The following HEATR5B variants were observed in gnomAD, a reference collection of about 807,000 sequenced individuals.
HEATR5B encodes the protein HEAT repeat-containing protein 5B.
HEATR5B carries 156 observed loss-of-function variants against 224.1 expected under a neutral mutation model. The ratio of observed to expected loss-of-function variants is 0.70; its 90% CI spans 0.61 to 0.80. The LOEUF (loss-of-function observed/expected upper bound fraction) is 0.80, where lower values mean the gene tolerates loss of function less well. Ranked by LOEUF, HEATR5B falls within the 30% of genes least tolerant of loss-of-function variation. HEATR5B has a pLI of 0.00. For missense variants in HEATR5B, 2,323 were observed against 2,535.5 expected (o/e 0.92, Z 1.80); for synonymous variants, 1,027 against 893.0 (o/e 1.15, Z -2.68).
intron 18 of HEATR5B, among the ~76,000 whole-genome samples, chr2:37,044,885 A>G (rs1043236174): frequency 6.6e-6 from 1 of 152,198 alleles, no homozygotes. Context: ...TATGTCTTCA[A>G]CATCACTGGA....
intron 10 of HEATR5B, among the ~76,000 whole-genome samples, chr2:37,062,431 A>C (rs1671341076): frequency 6.7e-6 from 1 of 149,388 alleles, no homozygotes; most frequent in Non-Finnish European, 1.5e-5. Flanking sequence ...CTCCGTCTCC[A>C]AAAAAAAAAG....
At chr2:37,002,998 C>T (rs1431688761) in intron 31 of HEATR5B, among the ~76,000 whole-genome samples, 1 of 151,942 alleles carries the variant, frequency 6.6e-6, no homozygotes, top group Non-Finnish European at 1.5e-5. Flanking sequence ...GTGGCTCAAA[C>T]GTGTAATCTC....
rs1670689878 is a variant in HEATR5B at position 37,053,499 on chromosome 2, T to C, written c.2505+3A>G. 1.3e-6 allele frequency: 2 copies of C among 1,542,130 alleles called. No homozygotes were observed. Among genetic ancestry groups the C allele is most frequent in the Non-Finnish European group, 8.9e-7 (1 of 1,128,188 alleles). ...CAGAATAGTATGTATTAAAAGTAAA[T>C]ACCTTTAGTGCACTAAGAACAGCAG... On this transcript the variant is annotated splice_donor_region_variant and intron_variant, in intron 17 of 35. Coordinates refer to ENST00000233099, the MANE Select transcript of HEATR5B (RefSeq NM_019024.3).
chr2:36,991,233 A>G (rs1477432837), intron 33 of HEATR5B, among the ~76,000 whole-genome samples: 2 of 152,330 alleles, frequency 1.3e-5, no homozygotes, highest in Admixed American at 6.5e-5. Context: ...CCATATAACC[A>G]TTAAAAAAAT....
intron 10 of HEATR5B, 106 bp downstream of exon 10, chr2:37,064,634 G>A (rs1406040199): frequency 1.9e-6 from 2 of 1,075,888 alleles, no homozygotes; most frequent in Non-Finnish European, 2.7e-6. Context: ...TGATAACATA[G>A]TACAACTGTT....
At chr2:37,072,390 C>A (rs1020584868) in intron 5 of HEATR5B, 109 bp from the exon 6 acceptor site, 23 of 672,628 alleles carry the variant, frequency 3.4e-5, no homozygotes, top group Admixed American at 9.0e-5. Context: ...AAAAACTCGA[C>A]AAAATAAATG....
chr2:37,026,580 G>C (rs953683856), intron 24 of HEATR5B, among the ~76,000 whole-genome samples: 1 of 152,128 alleles, frequency 6.6e-6, no homozygotes, highest in Non-Finnish European at 1.5e-5. Flanking sequence ...ATAACTATTT[G>C]ACTGAGAAGT....
chr2:37,037,771 G>C (rs991334720), intron 21 of HEATR5B, 84 bp downstream of exon 21: 62 of 916,258 alleles, frequency 6.8e-5, no homozygotes, highest in Non-Finnish European at 7.8e-5. Flanking sequence ...AATATATATA[G>C]CTAGTATGTA....
chr2:37,071,669 C>T (rs1475611022), intron 6 of HEATR5B, among the ~76,000 whole-genome samples: 1 of 151,424 alleles, frequency 6.6e-6, no homozygotes, highest in Non-Finnish European at 1.5e-5. Context: ...AGGAAAATGC[C>T]ATTTGGGTTC....
chr2:37,083,708 A>C (rs1672773717), intron 1 of HEATR5B, among the ~76,000 whole-genome samples: 1 of 152,224 alleles, frequency 6.6e-6, no homozygotes, highest in Admixed American at 6.5e-5. Flanking sequence ...CAGAAGAAAT[A>C]TGTCCAGCAA....
At chr2:37,077,462 C>A (rs1672304912) in intron 3 of HEATR5B, among the ~76,000 whole-genome samples, 1 of 152,192 alleles carries the variant, frequency 6.6e-6, no homozygotes, top group Admixed American at 6.5e-5. Context: ...GTGCATGCCA[C>A]CATTCCCAGC....
chr2:37,028,630 T>C (rs1668928409), intron 23 of HEATR5B, 51 bp downstream of exon 23: 1 of 1,500,556 alleles, frequency 6.7e-7, no homozygotes, highest in Non-Finnish European at 9.2e-7. Context: ...TATGTATATA[T>C]CAGAAGTAAA....
rs1666554259 is a variant in HEATR5B, at chr2:36,994,503, C to G, written c.5546-3704G>C. Reference sequence around the variant, plus strand: ...CTTGTTAAGCAAGGGATCTGCTTGCCTCGATATACAAATATACAAATATGC... The same window carrying G: ...CTTGTTAAGCAAGGGATCTGCTTGCGTCGATATACAAATATACAAATATGC... On this transcript the variant is annotated intron_variant, in intron 33 of 35. Transcript: ENST00000233099. 2.6e-5 allele frequency among the ~76,000 whole-genome samples: 4 copies of G among 152,108 alleles called. 1 individual carries two copies. The highest frequency in any genetic ancestry group is 2.6e-4 in the Admixed American group (4 of 15,264).
chr2:37,028,859 A>T lies in HEATR5B; in HGVS notation c.3423T>A (p.Gly1141=). The change falls in exon 23 of 36, where the codon GGT becomes GGA. Residue 1141 remains glycine (G), a synonymous_variant. Transcript: ENST00000233099. ...SRTDIHCRHQ[G]VNITETGLEG... Reference sequence around the variant, plus strand: ...CAAGACCAGTTTCTGTTATATTAACACCTTGGTGCCGGCAATGGATATCAG... The same window carrying T: ...CAAGACCAGTTTCTGTTATATTAACTCCTTGGTGCCGGCAATGGATATCAG... 6.2e-7 allele frequency: 1 copy of T among 1,614,058 alleles called. No homozygotes were observed. The highest frequency in any genetic ancestry group is 8.5e-7 in the Non-Finnish European group (1 of 1,179,934).
Position 37,008,592 on chromosome 2 carries a change from C to T in HEATR5B, c.4522+19G>A. 1 of 1,543,000 alleles carries T rather than the reference C, an allele frequency of 6.5e-7. No individual in the cohort carries two copies. Among genetic ancestry groups the T allele is most frequent in the Non-Finnish European group, 9.0e-7 (1 of 1,115,072 alleles). ...TACTTTGAACTCCATAAAAGTAAAA[C>T]TCAGAATGTAATACTCACCATCTGG... On this transcript the variant is annotated intron_variant, in intron 28 of 35. Coordinates refer to ENST00000233099, the MANE Select transcript of HEATR5B (RefSeq NM_019024.3).
intron 2 of HEATR5B, among the ~76,000 whole-genome samples, chr2:37,080,171 A>G (rs1229839634): frequency 6.6e-6 from 1 of 152,208 alleles, no homozygotes; most frequent in East Asian, 1.9e-4. Flanking sequence ...GAAAGTAGTA[A>G]GAGATGAATT....
At chr2:36,989,362 G>A (rs537648369) in intron 34 of HEATR5B, among the ~76,000 whole-genome samples, 2 of 152,206 alleles carry the variant, frequency 1.3e-5, no homozygotes, top group African/African-American at 4.8e-5. Context: ...GGGATTACAG[G>A]TGTGAGCCAC....
intron 35 of HEATR5B, among the ~76,000 whole-genome samples, chr2:36,987,890 G>A (rs1456746286): frequency 2.0e-5 from 3 of 151,924 alleles, no homozygotes; most frequent in Non-Finnish European, 4.4e-5. Context: ...TGGGCAACAT[G>A]GCAAAAACCT....
intron 14 of HEATR5B, 114 bp downstream of exon 14, chr2:37,058,337 T>G: frequency 1.6e-6 from 1 of 634,772 alleles, no homozygotes; most frequent in South Asian, 2.0e-5. Flanking sequence ...AAAAATAAAA[T>G]GGTGGCCTTC....
Sources: gnomAD v4.1 joint callset for allele counts (sites outside exome capture counted in the v4.1 genomes callset) on GRCh38, gnomAD v4.1.1 for gene constraint, MANE v1.5 for transcripts, NCBI Gene and HGNC (gene_info 2026-07-23, HGNC 2026-07-21) for gene names.